Variants in NSMCE2 observed in about 807,000 individuals in gnomAD.
The protein encoded by NSMCE2 is E3 SUMO-protein ligase NSE2.
NSMCE2 carries 24 observed loss-of-function variants against 23.8 expected under a neutral mutation model. The ratio of observed to expected loss-of-function variants is 1.01; its 90% CI spans 0.73 to 1.42. NSMCE2 has a LOEUF of 1.42. Among genes scored for constraint, NSMCE2 ranks in the 40% most tolerant of loss-of-function variants. The probability of loss-of-function intolerance (pLI) is 0.00; values close to 1 mark genes in which losing one functional copy is unlikely to be tolerated. For synonymous variants in NSMCE2, 92 were observed against 94.1 expected (o/e 0.98, Z 0.13); for missense variants, 284 against 296.5 (o/e 0.96, Z 0.31).
chr8:125,279,674 CTT>C (rs1320740623), intron 5 of NSMCE2, among the ~76,000 whole-genome samples: 3 of 152,116 alleles, frequency 2.0e-5, no homozygotes, highest in South Asian at 2.1e-4. Flanking sequence ...TGAATCATAA[CTT>C]ATAATTTATT....
In NSMCE2 at chr8:125,332,734, A is replaced by C. The variant is rs866472585; in HGVS notation, c.419-24485A>C. Among the ~76,000 whole-genome samples, 8 of 152,284 alleles carry C rather than the reference A, an allele frequency of 5.3e-5. No individual in the cohort carries two copies. In the Middle Eastern group the frequency reaches 0.024, roughly 453 times the overall value. Reference sequence around the variant, plus strand: ...TTTCCCCTATCCCCTTCAGGGTTCCATTTTGGTTACAAGAAGCTTGCTCAG... The same window carrying C: ...TTTCCCCTATCCCCTTCAGGGTTCCCTTTTGGTTACAAGAAGCTTGCTCAG... On this transcript the variant is annotated intron_variant, in intron 5 of 7. Coordinates refer to ENST00000287437, the MANE Select transcript of NSMCE2 (RefSeq NM_173685.4).
intron 5 of NSMCE2, among the ~76,000 whole-genome samples, chr8:125,230,338 A>G (rs533566393): frequency 6.6e-6 from 1 of 152,304 alleles, no homozygotes; most frequent in South Asian, 2.1e-4. Context: ...CAATTTAACA[A>G]GGCCCTACAA....
intron 5 of NSMCE2, among the ~76,000 whole-genome samples, chr8:125,210,093 T>A (rs918523342): frequency 1.3e-5 from 2 of 152,228 alleles, no homozygotes; most frequent in Admixed American, 6.5e-5. Flanking sequence ...TTCAGCCCCT[T>A]ACTAGCTCTG....
chr8:125,176,309 A>C (rs1412980462), intron 4 of NSMCE2, among the ~76,000 whole-genome samples: 4 of 152,114 alleles, frequency 2.6e-5, no homozygotes, highest in Non-Finnish European at 5.9e-5. Flanking sequence ...ATTTAGTTTC[A>C]CTTCTCTGCA....
At chr8:125,197,429 T>C (rs1188488558) in intron 5 of NSMCE2, among the ~76,000 whole-genome samples, 1 of 152,224 alleles carries the variant, frequency 6.6e-6, no homozygotes, top group African/African-American at 2.4e-5. Context: ...TAGCCAGTTT[T>C]CCCAGCACCA....
intron 5 of NSMCE2, among the ~76,000 whole-genome samples, chr8:125,268,123 A>G (rs1341951893): frequency 1.3e-5 from 2 of 151,138 alleles, no homozygotes; most frequent in African/African-American, 4.9e-5. Flanking sequence ...AGTTTCAGCT[A>G]CTCCAGAGGC....
At chr8:125,163,661 T>C (rs1821734399) in intron 4 of NSMCE2, among the ~76,000 whole-genome samples, 1 of 152,202 alleles carries the variant, frequency 6.6e-6, no homozygotes, top group Non-Finnish European at 1.5e-5. Flanking sequence ...CCACATACAG[T>C]CCTCATCTGA....
intron 7 of NSMCE2, among the ~76,000 whole-genome samples, chr8:125,362,244 G>A (rs768438769): frequency 1.3e-5 from 2 of 152,216 alleles, no homozygotes; most frequent in African/African-American, 2.4e-5. Context: ...CTCCAGAGGA[G>A]GCATGCCTTG....
At chr8:125,289,903 C>T (rs1161407010) in intron 5 of NSMCE2, among the ~76,000 whole-genome samples, 3 of 152,306 alleles carry the variant, frequency 2.0e-5, no homozygotes, top group Admixed American at 2.0e-4. Flanking sequence ...AGTACAAACA[C>T]ACCATTGATG....
chr8:125,357,682 C>T, intron 6 of NSMCE2, 30 bp from the exon 7 acceptor site: 1 of 1,517,606 alleles, frequency 6.6e-7, no homozygotes, highest in Non-Finnish European at 9.2e-7. Context: ...CATTATCATT[C>T]CTGAAAGCCC....
intron 5 of NSMCE2, among the ~76,000 whole-genome samples, chr8:125,299,144 C>T (rs139910876): frequency 0.012 from 1,818 of 152,270 alleles, 9 homozygotes; most frequent in Non-Finnish European, 0.017. Flanking sequence ...TATAGCATCA[C>T]CTACACATAA....
At chr8:125,193,339 CTG>C (rs1823448255) in intron 5 of NSMCE2, among the ~76,000 whole-genome samples, 1 of 152,156 alleles carries the variant, frequency 6.6e-6, no homozygotes, top group Admixed American at 6.5e-5. Context: ...TATATCCAGA[CTG>C]TGTAAAAAAC....
At chr8:125,357,902 C>T (rs957042009) in intron 7 of NSMCE2, 84 bp downstream of exon 7, 7 of 873,924 alleles carry the variant, frequency 8.0e-6, no homozygotes, top group African/African-American at 3.3e-5. Context: ...GGAAGAGGCA[C>T]TTCAATGTCT....
intron 3 of NSMCE2, among the ~76,000 whole-genome samples, chr8:125,122,082 T>A (rs1819289626): frequency 6.6e-6 from 1 of 151,156 alleles, no homozygotes; most frequent in African/African-American, 2.4e-5. Context: ...GACACCGTTA[T>A]GCCTGAAGAT....
intron 5 of NSMCE2, among the ~76,000 whole-genome samples, chr8:125,326,896 C>T (rs1829684930): frequency 6.7e-6 from 1 of 150,024 alleles, no homozygotes; most frequent in Non-Finnish European, 1.5e-5. Context: ...GCAGAGGTTG[C>T]AGTGAGCTGA....
chr8:125,231,599 A>G (rs1214878486), intron 5 of NSMCE2, among the ~76,000 whole-genome samples: 1 of 152,220 alleles, frequency 6.6e-6, no homozygotes, highest in African/African-American at 2.4e-5. Context: ...TTTTACTTAA[A>G]AGATTCTGAA....
At chr8:125,237,046 C>G (rs753620027) in intron 5 of NSMCE2, among the ~76,000 whole-genome samples, 11 of 152,090 alleles carry the variant, frequency 7.2e-5, no homozygotes, top group Non-Finnish European at 1.6e-4. Flanking sequence ...TTCTTCTGTA[C>G]CTGGCACAGC....
chr8:125,097,449 T>G (rs1313041583), intron 1 of NSMCE2, among the ~76,000 whole-genome samples: 2 of 152,214 alleles, frequency 1.3e-5, no homozygotes, highest in African/African-American at 2.4e-5. Flanking sequence ...CAAAGGGAAC[T>G]CATCTCATCG....
chr8:125,207,284 C>T (rs923549000), intron 5 of NSMCE2, among the ~76,000 whole-genome samples: 1 of 151,562 alleles, frequency 6.6e-6, no homozygotes, highest in Admixed American at 6.6e-5. Context: ...CTTCTCTTGT[C>T]TAATTTTATA....
Sources: gnomAD v4.1 joint callset for allele counts (sites outside exome capture counted in the v4.1 genomes callset) on GRCh38, gnomAD v4.1.1 for gene constraint, MANE v1.5 for transcripts, NCBI Gene and HGNC (gene_info 2026-07-23, HGNC 2026-07-21) for gene names.